Variants in TXNRD2 observed in about 807,000 individuals in gnomAD.
TXNRD2 encodes the protein thioredoxin reductase 2, mitochondrial.
A neutral mutation model predicts 70.8 loss-of-function variants in TXNRD2; 67 were observed. The ratio of observed to expected loss-of-function variants is 0.95; its 90% CI spans 0.78 to 1.16. The LOEUF (loss-of-function observed/expected upper bound fraction) is 1.16, where lower values mean the gene tolerates loss of function less well. Ranked by LOEUF, TXNRD2 falls within the 50% of genes most tolerant of loss-of-function variation. The pLI is 0.00. For synonymous variants in TXNRD2, 301 were observed against 295.8 expected, an observed-to-expected ratio of 1.02 and a Z score of -0.18; for missense variants, 644 against 719.9, an observed-to-expected ratio of 0.89 and a Z score of 1.21.
chr22:19,877,025 G>A lies in TXNRD2; in HGVS notation c.*65+15C>T, dbSNP rs546705648. 15 of 1,510,992 alleles carry A rather than the reference G, an allele frequency of 9.9e-6. No individual in the cohort carries two copies. The East Asian group carries it at 3.3e-4, about 33-fold the overall frequency. The allele number at this position is 1,510,992 out of a possible 1,614,324, so 93.6% of individuals were successfully genotyped here. A position where few individuals can be genotyped will look rare whatever the true frequency, so the allele number is the denominator to read the frequency against. On this transcript the variant is annotated intron_variant, in intron 17 of 17. Transcript: ENST00000400521. ...CATGCCCTGTCCTCAAACAGAGCCA[G>A]CCCCACCTGCATACCTGGGTCTGGC...
At chr22:19,882,853 C>G (rs1239975859) in intron 12 of TXNRD2, among the ~76,000 whole-genome samples, 1 of 152,254 alleles carries the variant, frequency 6.6e-6, no homozygotes, top group Non-Finnish European at 1.5e-5. Flanking sequence ...GAGCAAAGGA[C>G]CTGCCCCGGT....
intron 11 of TXNRD2, chr22:19,883,675 C>G: frequency 1.6e-6 from 1 of 629,134 alleles, no homozygotes; most frequent in Middle Eastern, 4.4e-4. Flanking sequence ...CTGTCTCAGC[C>G]AGGCGTGATG....
intron 12 of TXNRD2, among the ~76,000 whole-genome samples, chr22:19,882,382 G>A (rs1938818544): frequency 6.6e-6 from 1 of 152,078 alleles, no homozygotes; most frequent in Non-Finnish European, 1.5e-5. Context: ...TATTTTTTTA[G>A]TAGAGACGGT....
chr22:19,930,942 T>C, intron 2 of TXNRD2, 88 bp downstream of exon 2: 1 of 1,238,906 alleles, frequency 8.1e-7, no homozygotes. Flanking sequence ...CAACGCATTT[T>C]GCTCATGGAC....
intron 12 of TXNRD2, among the ~76,000 whole-genome samples, chr22:19,881,554 A>G (rs1485046075): frequency 6.6e-6 from 1 of 152,268 alleles, no homozygotes; most frequent in East Asian, 1.9e-4. Context: ...ATGTTTAAAT[A>G]AAGAATGCCT....
intron 4 of TXNRD2, among the ~76,000 whole-genome samples, chr22:19,918,446 C>G (rs1050869827): frequency 1.3e-5 from 2 of 152,240 alleles, no homozygotes; most frequent in African/African-American, 2.4e-5. Context: ...CCACGGCTCT[C>G]CAGATGCAGC....
chr22:19,916,101 G>A (rs963884412), intron 5 of TXNRD2: 37 of 460,996 alleles, frequency 8.0e-5, no homozygotes, highest in South Asian at 4.3e-4. Context: ...AGCTCAGCAC[G>A]GTCCTAAGAG....
intron 5 of TXNRD2, 28 bp from the exon 6 acceptor site, chr22:19,915,871 C>T: frequency 6.3e-7 from 1 of 1,598,550 alleles, no homozygotes. Context: ...GATTTTCAAA[C>T]ACTTCCTCTG....
chr22:19,911,195 C>T, intron 8 of TXNRD2, 182 bp downstream of exon 8: 1 of 695,352 alleles, frequency 1.4e-6, no homozygotes, highest in Non-Finnish European at 2.6e-6. Flanking sequence ...CTCAGTCTCC[C>T]AAAGTGCTAG....
At chr22:19,915,166 C>A in intron 7 of TXNRD2, 48 bp downstream of exon 7, 1 of 1,593,408 alleles carries the variant, frequency 6.3e-7, no homozygotes, top group Non-Finnish European at 8.6e-7. Flanking sequence ...TCAAAGAGGC[C>A]GGGAATGGGC....
intron 2 of TXNRD2, among the ~76,000 whole-genome samples, chr22:19,925,173 A>G (rs1224874133): frequency 6.6e-6 from 1 of 151,754 alleles, no homozygotes; most frequent in Admixed American, 6.6e-5. Context: ...AGTCCCAGCT[A>G]CTCAGGAGGC....
rs115265865 is a variant in TXNRD2, at chr22:19,905,509, C to T, written c.662+5868G>A. The stretch of plus-strand genomic sequence containing the variant: ...AGCAAGGCCAGGGCACCCAGAGCAC[C>T]GGGCCCCCTCCCCAGGCCCAAGCGG... On this transcript the variant is annotated intron_variant, in intron 8 of 17. Coordinates refer to ENST00000400521, the MANE Select transcript of TXNRD2 (RefSeq NM_006440.5). 6.3e-3 allele frequency among the ~76,000 whole-genome samples: 964 copies of T among 152,250 alleles called. 12 individuals are homozygous for T. The highest frequency in any genetic ancestry group is 0.022 in the African/African-American group (903 of 41,536).
chr22:19,923,534 C>A (rs1940995847), intron 2 of TXNRD2, among the ~76,000 whole-genome samples: 1 of 152,162 alleles, frequency 6.6e-6, no homozygotes, highest in African/African-American at 2.4e-5. Flanking sequence ...CGCCTGTAAT[C>A]CCAGCATTTT....
chr22:19,930,205 C>T (rs1941306419), intron 2 of TXNRD2, among the ~76,000 whole-genome samples: 2 of 152,180 alleles, frequency 1.3e-5, no homozygotes, highest in Admixed American at 1.3e-4. Context: ...ATTTCTTTTA[C>T]ACCATGTATG....
rs767490146 is a variant in TXNRD2 at position 19,899,043 on chromosome 22, G to T, written c.682+6C>A. On this transcript the variant is annotated splice_donor_region_variant and intron_variant, in intron 9 of 17. Coordinates refer to ENST00000400521, the MANE Select transcript of TXNRD2 (RefSeq NM_006440.5). The stretch of plus-strand genomic sequence containing the variant: ...GGACGGCCACCTGCACGCTTGCAAA[G>T]GATACAGCTGGCCCCGACCACCAAC... The T allele has an allele frequency of 6.2e-6, 10 of 1,606,302 alleles. No homozygotes were observed. Among genetic ancestry groups the T allele is most frequent in the Admixed American group, 3.3e-5 (2 of 60,004 alleles).
chr22:19,915,024 G>T (rs1940570867), intron 7 of TXNRD2, 190 bp downstream of exon 7: 2 of 617,740 alleles, frequency 3.2e-6, no homozygotes, highest in Non-Finnish European at 5.9e-6. Context: ...CAGCGTGGAG[G>T]CCACTGGGGA....
chr22:19,909,742 C>CA (rs1940270136), intron 8 of TXNRD2, among the ~76,000 whole-genome samples: 1 of 136,560 alleles, frequency 7.3e-6, no homozygotes, highest in Non-Finnish European at 1.6e-5. Flanking sequence ...CACACACACA[C>CA]CACACACACC....
chr22:19,938,264 C>T (rs1015431173), intron 1 of TXNRD2: 6 of 152,152 alleles, frequency 3.9e-5, no homozygotes, highest in African/African-American at 1.4e-4. Context: ...CTTATGTAAA[C>T]TTATGGTGTC....
chr22:19,909,638 TCA>T (rs1940250750), intron 8 of TXNRD2, among the ~76,000 whole-genome samples: 5 of 49,440 alleles, frequency 1.0e-4, no homozygotes, highest in Non-Finnish European at 7.7e-5. Context: ...CACACACCAC[TCA>T]CATACACACA....
Sources: allele counts gnomAD v4.1 joint callset (sites outside exome capture counted in the v4.1 genomes callset), GRCh38; gene constraint gnomAD v4.1.1; transcripts MANE v1.5; gene names NCBI Gene and HGNC (gene_info 2026-07-23, HGNC 2026-07-21).